The following FAM168B variants were observed in gnomAD, a reference collection of about 807,000 sequenced individuals.
The protein encoded by FAM168B is myelin-associated neurite-outgrowth inhibitor.
A neutral mutation model predicts 21.8 loss-of-function variants in FAM168B; 19 were observed. That is an observed-to-expected ratio of 0.87 (90% CI 0.61 to 1.28). FAM168B has a LOEUF of 1.28. Ranked by LOEUF, FAM168B falls within the 50% of genes most tolerant of loss-of-function variation. The pLI is 0.00. For synonymous variants in FAM168B, 126 were observed against 104.8 expected (o/e 1.20, Z -1.24); for missense variants, 233 against 263.1 (o/e 0.89, Z 0.79).
intron 3 of FAM168B, among the ~76,000 whole-genome samples, chr2:131,060,330 A>C (rs1692231445): frequency 6.6e-6 from 1 of 152,146 alleles, no homozygotes; most frequent in African/African-American, 2.4e-5. Flanking sequence ...GGCCGTGAGT[A>C]GGAATATTCC....
At chr2:131,073,827 T>C (rs1422801866) in intron 2 of FAM168B, among the ~76,000 whole-genome samples, 1 of 152,264 alleles carries the variant, frequency 6.6e-6, no homozygotes, top group Non-Finnish European at 1.5e-5. Context: ...TAACTGGGAA[T>C]GCATACACAC....
intron 3 of FAM168B, among the ~76,000 whole-genome samples, chr2:131,068,875 G>C (rs774885662): frequency 2.0e-5 from 3 of 152,208 alleles, no homozygotes; most frequent in Non-Finnish European, 2.9e-5. Flanking sequence ...AATTAGCCGA[G>C]TGTGGTGGTG....
intron 4 of FAM168B, 43 bp downstream of exon 4, chr2:131,055,510 T>C (rs1183085330): frequency 5.0e-6 from 8 of 1,596,778 alleles, no homozygotes; most frequent in Non-Finnish European, 6.0e-6. Flanking sequence ...AACGCCCAGG[T>C]GGTATCACCC....
chr2:131,051,796 T>A lies in FAM168B; in HGVS notation c.*669A>T, dbSNP rs1691692275. The stretch of plus-strand genomic sequence containing the variant: ...CCTGTTCCACTGACTCCACCAAGCC[T>A]AAACTCAAAGGGATGTCCATGAACC... On this transcript the variant is annotated 3_prime_UTR_variant, in exon 7 of 7. Coordinates refer to ENST00000389915, the MANE Select transcript of FAM168B (RefSeq NM_001009993.4). 1 of 985,298 alleles carries A rather than the reference T, an allele frequency of 1.0e-6. No homozygotes were observed. The allele number at this position is 985,298 out of a possible 1,614,324, so 61.0% of individuals were successfully genotyped here. A position where few individuals can be genotyped will look rare whatever the true frequency, so the allele number is the denominator to read the frequency against.
rs1691434770 is a variant in FAM168B, at chr2:131,048,509, T to G, written c.*3956A>C. On this transcript the variant is annotated 3_prime_UTR_variant, in exon 7 of 7. Coordinates refer to ENST00000389915, the MANE Select transcript of FAM168B (RefSeq NM_001009993.4). ...AAGATAAGGCTATCCCCACAGGCTC[T>G]CTCTTCTTCAAATAATGAGTAGGAA... The G allele has an allele frequency of 1.8e-6, 2 of 1,099,146 alleles. No homozygotes were observed. Among genetic ancestry groups the G allele is most frequent in the Non-Finnish European group, 2.3e-6 (2 of 884,932 alleles). The allele number at this position is 1,099,146 out of a possible 1,614,324, so 68.1% of individuals were successfully genotyped here.
At chr2:131,090,573 TCAA>T (rs1311314646) in intron 1 of FAM168B, among the ~76,000 whole-genome samples, 1 of 152,040 alleles carries the variant, frequency 6.6e-6, no homozygotes, top group Non-Finnish European at 1.5e-5. Flanking sequence ...TCTGGCAACA[TCAA>T]CAAGAGCTTG....
Position 131,050,774 on chromosome 2 carries a change from A to T in FAM168B, c.*1691T>A. The T allele has an allele frequency of 1.0e-6, 1 of 985,446 alleles. No homozygotes were observed. Among genetic ancestry groups the T allele is most frequent in the African/African-American group, 1.7e-5 (1 of 57,358 alleles). The allele number at this position is 985,446 out of a possible 1,614,324, so 61.0% of individuals were successfully genotyped here. A position where few individuals can be genotyped will look rare whatever the true frequency, so the allele number is the denominator to read the frequency against. On this transcript the variant is annotated 3_prime_UTR_variant, in exon 7 of 7. Coordinates refer to ENST00000389915, the MANE Select transcript of FAM168B (RefSeq NM_001009993.4). ...CTAGTGGGCATCCTCACTGGGCGCC[A>T]GTGCCCTGACCCAGCTACCAGCAAA...
At chr2:131,056,833 G>C (rs1370238618) in intron 3 of FAM168B, among the ~76,000 whole-genome samples, 1 of 152,004 alleles carries the variant, frequency 6.6e-6, no homozygotes, top group African/African-American at 2.4e-5. Context: ...ACACATGCTG[G>C]ATGCATGTAC....
chr2:131,090,633 G>T (rs1048125079), intron 1 of FAM168B, among the ~76,000 whole-genome samples: 1 of 152,060 alleles, frequency 6.6e-6, no homozygotes, highest in East Asian at 1.9e-4. Context: ...TGGGAGGCTG[G>T]GGCAGGAGGA....
chr2:131,073,976 G>A (rs576025288), intron 2 of FAM168B, among the ~76,000 whole-genome samples: 1 of 152,300 alleles, frequency 6.6e-6, no homozygotes, highest in Admixed American at 6.5e-5. Context: ...ATAAGACATT[G>A]AGTGCTACAG....
chr2:131,069,556 C>T lies in FAM168B; in HGVS notation c.154+2299G>A, dbSNP rs149918593. Among the ~76,000 whole-genome samples the T allele has an allele frequency of 6.9e-3, 1,049 of 152,026 alleles. 8 individuals carry two copies. Among genetic ancestry groups the T allele is most frequent in the Admixed American group, 0.011 (171 of 15,286 alleles). ...TCGCTCAGGCTGGAGTGCAGTGGCG[C>T]AATCTCGGCTCACTGCAAGCTCCGC... On this transcript the variant is annotated intron_variant, in intron 3 of 6. Coordinates refer to ENST00000389915, the MANE Select transcript of FAM168B (RefSeq NM_001009993.4).
intron 1 of FAM168B, among the ~76,000 whole-genome samples, chr2:131,088,909 T>C (rs370154305): frequency 1.3e-4 from 19 of 151,722 alleles, no homozygotes; most frequent in African/African-American, 4.1e-4. Context: ...AACTTTCCAG[T>C]CTAATTTGCT....
chr2:131,076,506 AGCCGG>A (rs1693160139), intron 2 of FAM168B, among the ~76,000 whole-genome samples: 1 of 152,024 alleles, frequency 6.6e-6, no homozygotes, highest in Non-Finnish European at 1.5e-5. Flanking sequence ...AAAAAAAATT[AGCCGG>A]GTGCAGTGGC....
intron 2 of FAM168B, among the ~76,000 whole-genome samples, chr2:131,080,516 G>C (rs1422743293): frequency 6.6e-6 from 1 of 151,460 alleles, no homozygotes; most frequent in African/African-American, 2.4e-5. Flanking sequence ...TACTCGGGAG[G>C]CTGAGGCTGG....
At chr2:131,070,564 G>A (rs909379205) in intron 3 of FAM168B, among the ~76,000 whole-genome samples, 1 of 152,162 alleles carries the variant, frequency 6.6e-6, no homozygotes, top group African/African-American at 2.4e-5. Flanking sequence ...TTACTCAAGA[G>A]AAATCAAAGT....
Position 131,082,622 on chromosome 2 carries a change from A to C in FAM168B, c.25T>G (p.Ser9Ala), listed in dbSNP as rs751611128. Residue 9 changes from serine (S) to alanine (A), a missense_variant, in exon 2 of 7, where the codon TCT (serine) becomes GCT (alanine). Ser to Ala is a moderately conservative substitution (Grantham distance 99). Transcript: ENST00000389915. MNPVYSPGSSGVPYANAKG... is the reference protein window; with the variant it reads MNPVYSPGASGVPYANAKG... ...GCATTTGCATAGGGAACCCCAGAAGATCCAGGACTATAAACAGGATTCATG... is the reference window on the plus strand; with the variant it reads ...GCATTTGCATAGGGAACCCCAGAAGCTCCAGGACTATAAACAGGATTCATG... 1.2e-6 allele frequency: 2 copies of C among 1,609,938 alleles called. No individual in the cohort carries two copies. Among genetic ancestry groups the C allele is most frequent in the Non-Finnish European group, 1.7e-6 (2 of 1,178,578 alleles).
At chr2:131,086,461 G>C (rs1693702921) in intron 1 of FAM168B, among the ~76,000 whole-genome samples, 1 of 152,076 alleles carries the variant, frequency 6.6e-6, no homozygotes, top group Non-Finnish European at 1.5e-5. Context: ...AAAGTAAAAA[G>C]ATCAGCTGGA....
intron 2 of FAM168B, among the ~76,000 whole-genome samples, chr2:131,075,347 A>G (rs1693090400): frequency 6.6e-6 from 1 of 151,940 alleles, no homozygotes; most frequent in African/African-American, 2.4e-5. Flanking sequence ...TAATTTCCAG[A>G]AATTCCAAAT....
chr2:131,088,885 T>G (rs939881830), intron 1 of FAM168B, among the ~76,000 whole-genome samples: 14 of 151,604 alleles, frequency 9.2e-5, no homozygotes. Context: ...TACTAAAATC[T>G]CCCTGCAACC....
Sources: gnomAD v4.1 joint callset for allele counts (sites outside exome capture counted in the v4.1 genomes callset) on GRCh38, gnomAD v4.1.1 for gene constraint, MANE v1.5 for transcripts, NCBI Gene and HGNC (gene_info 2026-07-23, HGNC 2026-07-21) for gene names.